The following CREBBP variants were observed in gnomAD, a reference collection of about 807,000 sequenced individuals.
CREBBP encodes CREB binding lysine acetyltransferase.
In CREBBP, 19 loss-of-function variants were observed where a neutral mutation model predicts 265.0. The observed-to-expected ratio is 0.07, with a 90% CI of 0.05 to 0.11. The LOEUF is 0.11. CREBBP is among the 10% of genes least tolerant of loss of function. The pLI is 1.00. For missense variants in CREBBP, 2,525 were observed against 3,219.0 expected (o/e 0.78, Z 5.22); for synonymous variants, 1,457 against 1,223.7 (o/e 1.19, Z -3.98).
At chr16:3,836,625 A>G (rs2054457945) in intron 2 of CREBBP, among the ~76,000 whole-genome samples, 1 of 152,128 alleles carries the variant, frequency 6.6e-6, no homozygotes, top group Admixed American at 6.5e-5. Flanking sequence ...ATTTCATGCT[A>G]TATAAATTAC....
At chr16:3,846,881 G>A (rs559621761) in intron 2 of CREBBP, among the ~76,000 whole-genome samples, 3 of 152,172 alleles carry the variant, frequency 2.0e-5, no homozygotes, top group Non-Finnish European at 4.4e-5. Context: ...CAAGAATTAA[G>A]AATTAACTCT....
At position 3,740,497 on chromosome 16, in the gene CREBBP, A is replaced by G. The variant is rs2151340840; in HGVS notation, c.4035T>C (p.Phe1345=). Residue 1345 remains phenylalanine (F), a synonymous_variant, in exon 24 of 31, where the codon TTT becomes TTC. Transcript: ENST00000262367. ...GNHLEDRVNK[F]LRRQNHPEAG... is the part of the protein sequence containing the mutation. The stretch of plus-strand genomic sequence containing the variant: ...CTTCAGGGTGATTCTGGCGCCGCAA[A>G]AATTTGTTCACTCGGTCTTCCAAGT... 6.2e-7 allele frequency: 1 copy of G among 1,614,116 alleles called. No homozygotes were observed. The highest frequency in any genetic ancestry group is 2.2e-5 in the East Asian group (1 of 44,872).
chr16:3,752,489 T>C (rs1383325264), intron 19 of CREBBP, among the ~76,000 whole-genome samples: 3 of 151,974 alleles, frequency 2.0e-5, no homozygotes, highest in African/African-American at 4.8e-5. Context: ...ATTCAGTTAA[T>C]TGTGTTACAA....
chr16:3,848,051 T>A (rs887166531), intron 2 of CREBBP, among the ~76,000 whole-genome samples: 3 of 151,608 alleles, frequency 2.0e-5, no homozygotes, highest in African/African-American at 4.9e-5. Context: ...GCGCCTGTAA[T>A]CCCAGCTACT....
At chr16:3,826,683 C>T (rs998452608) in intron 2 of CREBBP, among the ~76,000 whole-genome samples, 13 of 152,106 alleles carry the variant, frequency 8.5e-5, no homozygotes, top group African/African-American at 3.1e-4. Context: ...TCAAAACTGT[C>T]AAGGTCATTA....
chr16:3,728,033 G>A lies in CREBBP; in HGVS notation c.7014C>T (p.Ser2338=), dbSNP rs750601128. 5.6e-6 allele frequency: 9 copies of A among 1,612,272 alleles called. No individual in the cohort carries two copies. The highest frequency in any genetic ancestry group is 5.5e-5 in the South Asian group (5 of 91,002). ...SHLPGQQIAT[S]LSNQVRSPAP... is the part of the protein sequence containing the mutation. ...CTGGAGACCGCACCTGGTTACTAAGGGACGTGGCGATCTGCTGGCCAGGGA... is the reference window on the plus strand; with the variant it reads ...CTGGAGACCGCACCTGGTTACTAAGAGACGTGGCGATCTGCTGGCCAGGGA... The change falls in exon 31 of 31, where the codon TCC becomes TCT. Residue 2338 remains serine (S), a synonymous_variant. Transcript: ENST00000262367. This position sits in a 1 kb window ranked among gnomAD's most constrained non-coding sequence, Gnocchi z 8.7.
At chr16:3,857,815 G>A (rs1200567716) in intron 1 of CREBBP, among the ~76,000 whole-genome samples, 3 of 152,192 alleles carry the variant, frequency 2.0e-5, no homozygotes, top group Non-Finnish European at 4.4e-5. Flanking sequence ...GCAGCTTCCT[G>A]GCTGCCAACC....
intron 1 of CREBBP, among the ~76,000 whole-genome samples, chr16:3,856,156 G>C (rs936462876): frequency 2.0e-5 from 3 of 152,164 alleles, no homozygotes; most frequent in African/African-American, 7.2e-5. Context: ...TTTAGAGATA[G>C]GGTCTTGCTC....
At position 3,726,239 on chromosome 16, in the gene CREBBP, CG is replaced by C. The variant is rs879026614; in HGVS notation, c.*1478del. On this transcript the variant is annotated 3_prime_UTR_variant, in exon 31 of 31. Coordinates refer to ENST00000262367, the MANE Select transcript of CREBBP (RefSeq NM_004380.3). The stretch of plus-strand genomic sequence containing the variant: ...TGCCTCAGATTCTGGGAGTCGTGTA[CG>C]GGGGGGGGGAGCCGCCTGAACACGG... The C allele has an allele frequency of 0.029, 4,449 of 152,376 alleles. 8 individuals are homozygous for C. The highest frequency in any genetic ancestry group is 0.052 in the Middle Eastern group (25 of 484). The allele number at this position is 152,376 out of a possible 1,614,324, so 9.4% of individuals were successfully genotyped here.
rs150119918 is a variant in CREBBP at position 3,784,137 on chromosome 16, G to C, written c.1331-1211C>G. 1.2e-4 allele frequency among the ~76,000 whole-genome samples: 18 copies of C among 151,932 alleles called. 1 individual carries two copies. In the South Asian group the frequency reaches 3.3e-3, roughly 28 times the overall value. On this transcript the variant is annotated intron_variant, in intron 5 of 30. Transcript: ENST00000262367. Reference sequence around the variant, plus strand: ...ACACCATTTTTGATACATAAAACACGACCACAAAGCCTTTCTTTCAAATCC... The same window carrying C: ...ACACCATTTTTGATACATAAAACACCACCACAAAGCCTTTCTTTCAAATCC...
chr16:3,826,350 A>G (rs573746161), intron 2 of CREBBP, among the ~76,000 whole-genome samples: 2 of 152,220 alleles, frequency 1.3e-5, no homozygotes, highest in Non-Finnish European at 2.9e-5. Flanking sequence ...TTATGTAGAC[A>G]CTTTGCCTAA....
intron 20 of CREBBP, among the ~76,000 whole-genome samples, chr16:3,750,207 T>C (rs2052442390): frequency 6.6e-6 from 1 of 152,214 alleles, no homozygotes; most frequent in Non-Finnish European, 1.5e-5. Context: ...CTCACTATGT[T>C]GCTCAGGCAA....
intron 13 of CREBBP, among the ~76,000 whole-genome samples, chr16:3,772,381 G>T (rs1218636517): frequency 6.6e-6 from 1 of 150,390 alleles, no homozygotes; most frequent in Non-Finnish European, 1.5e-5. Flanking sequence ...GTTACTGAAA[G>T]AGAACTGTTT....
At chr16:3,861,667 AAAAG>A (rs1276835422) in intron 1 of CREBBP, among the ~76,000 whole-genome samples, 1 of 151,422 alleles carries the variant, frequency 6.6e-6, no homozygotes, top group African/African-American at 2.4e-5. Context: ...AAAAAAAAAA[AAAAG>A]AAAGAGAAAA....
In CREBBP at chr16:3,729,250, C is replaced by G. The variant is rs1024044771; in HGVS notation, c.5797G>C (p.Val1933Leu). 2.6e-6 allele frequency: 4 copies of G among 1,528,244 alleles called. No individual in the cohort carries two copies. In the African/African-American group the frequency reaches 5.5e-5, roughly 21 times the overall value. The allele number at this position is 1,528,244 out of a possible 1,614,324, so 94.7% of individuals were successfully genotyped here. ...TGGCTGGTAGGCTTCCCTGTGGACACCGTGGTGGGGGGCTGAGTCCGGGCC... is the reference window on the plus strand; with the variant it reads ...TGGCTGGTAGGCTTCCCTGTGGACAGCGTGGTGGGGGGCTGAGTCCGGGCC... ...SVARTQPPTT[V>L]STGKPTSQVP... The change falls in exon 31 of 31, where the codon GTG becomes CTG. Residue 1933 changes from valine to leucine, a missense_variant. Coordinates refer to ENST00000262367, the MANE Select transcript of CREBBP (RefSeq NM_004380.3).
At position 3,725,810 on chromosome 16, in the gene CREBBP, T is replaced by C. The variant is rs376586513; in HGVS notation, c.*1908A>G. 7 of 233,124 alleles carry C rather than the reference T, an allele frequency of 3.0e-5. No individual in the cohort carries two copies. The highest frequency in any genetic ancestry group is 1.2e-4 in the East Asian group (2 of 16,586). The allele number at this position is 233,124 out of a possible 1,614,324, so 14.4% of individuals were successfully genotyped here. On this transcript the variant is annotated 3_prime_UTR_variant, in exon 31 of 31. Coordinates refer to ENST00000262367, the MANE Select transcript of CREBBP (RefSeq NM_004380.3). ...ATGTAAGGGCCCAAACGGAAGCTATTTGGGGCGTGATTTCTAAAATTACCA... is the reference window on the plus strand; with the variant it reads ...ATGTAAGGGCCCAAACGGAAGCTATCTGGGGCGTGATTTCTAAAATTACCA...
rs78321724 is a variant in CREBBP, at chr16:3,771,628, A to G, written c.2464-642T>C. 3.3e-3 allele frequency among the ~76,000 whole-genome samples: 499 copies of G among 151,938 alleles called. 5 individuals carry two copies. Among genetic ancestry groups the G allele is most frequent in the African/African-American group, 0.011 (475 of 41,446 alleles). ...GAAACTGCGGATAGTACTGAACCCAATATTTACCAAGATTTTTGGATCTGA... is the reference window on the plus strand; with the variant it reads ...GAAACTGCGGATAGTACTGAACCCAGTATTTACCAAGATTTTTGGATCTGA... On this transcript the variant is annotated intron_variant, in intron 13 of 30. Coordinates refer to ENST00000262367, the MANE Select transcript of CREBBP (RefSeq NM_004380.3).
At chr16:3,808,251 T>C (rs115150622) in intron 3 of CREBBP, among the ~76,000 whole-genome samples, 86 of 152,340 alleles carry the variant, frequency 5.6e-4, no homozygotes, top group African/African-American at 1.9e-3. Flanking sequence ...GATGAGATGC[T>C]GTTGCTACTG....
At chr16:3,866,058 T>C (rs1355825747) in intron 1 of CREBBP, among the ~76,000 whole-genome samples, 2 of 152,232 alleles carry the variant, frequency 1.3e-5, no homozygotes, top group Admixed American at 6.5e-5. Context: ...TTAGGGTCCT[T>C]ATGATTTGAG....
Sources: allele counts gnomAD v4.1 joint callset (sites outside exome capture counted in the v4.1 genomes callset), GRCh38; gene constraint gnomAD v4.1.1; non-coding constraint Gnocchi (gnomAD v3.1); transcripts MANE v1.5; gene names NCBI Gene and HGNC (gene_info 2026-07-23, HGNC 2026-07-21).